KCNH7: variants seen among roughly 807,000 people sequenced by gnomAD.
KCNH7 encodes voltage-gated inwardly rectifying potassium channel KCNH7.
A neutral mutation model predicts 120.8 loss-of-function variants in KCNH7; 49 were observed. The observed-to-expected ratio is 0.41, with a 90% CI of 0.32 to 0.51. The LOEUF is 0.51. KCNH7 is among the 20% of genes least tolerant of loss of function. The pLI is 0.38. For synonymous variants in KCNH7, 547 were observed against 516.1 expected, an observed-to-expected ratio of 1.06 and a Z score of -0.81; for missense variants, 1,097 against 1,446.6, an observed-to-expected ratio of 0.76 and a Z score of 3.92.
intron 12 of KCNH7, among the ~76,000 whole-genome samples, chr2:162,392,772 G>C (rs1017225240): frequency 6.6e-6 from 1 of 151,890 alleles, no homozygotes; most frequent in Non-Finnish European, 1.5e-5. Context: ...GTTAAGGGAA[G>C]GATATTATGA....
chr2:162,425,235 G>A (rs762895108), intron 8 of KCNH7, among the ~76,000 whole-genome samples: 3 of 151,920 alleles, frequency 2.0e-5, no homozygotes, highest in East Asian at 1.9e-4. Flanking sequence ...ATAACTGTGC[G>A]AGCCAATTTC....
intron 8 of KCNH7, 22 bp from the exon 9 acceptor site, chr2:162,423,557 G>GT (rs781494195): frequency 1.2e-5 from 20 of 1,604,198 alleles, no homozygotes; most frequent in Non-Finnish European, 1.6e-5. Flanking sequence ...AAAAAACAAA[G>GT]TTATCGGGGA....
In KCNH7 at chr2:162,570,629, T is replaced by C. The variant is rs1284310957; in HGVS notation, c.308-33549A>G. The stretch of plus-strand genomic sequence containing the variant: ...TGATGCAGTTTCTTCCTAGTCTTGA[T>C]GGTCTTTACATTTTGGCATGATTTT... On this transcript the variant is annotated intron_variant, in intron 2 of 15. Transcript: ENST00000332142. Among the ~76,000 whole-genome samples the C allele has an allele frequency of 3.9e-5, 6 of 152,258 alleles. 1 individual carries two copies. Among genetic ancestry groups the C allele is most frequent in the African/African-American group, 1.2e-4 (5 of 41,570 alleles).
chr2:162,458,406 T>C (rs1412161046), intron 6 of KCNH7, among the ~76,000 whole-genome samples: 3 of 152,086 alleles, frequency 2.0e-5, no homozygotes, highest in African/African-American at 7.2e-5. Context: ...AGCAACATAA[T>C]GCCTCTTGGT....
At chr2:162,504,358 G>A (rs1272279696) in intron 6 of KCNH7, 85 bp downstream of exon 6, 1 of 1,019,112 alleles carries the variant, frequency 9.8e-7, no homozygotes, top group Non-Finnish European at 1.5e-6. Flanking sequence ...TCTACCGACA[G>A]TCATTTATAA....
At chr2:162,509,959 G>A (rs951417593) in intron 5 of KCNH7, among the ~76,000 whole-genome samples, 2 of 151,552 alleles carry the variant, frequency 1.3e-5, no homozygotes, top group African/African-American at 2.4e-5. Context: ...ACTTATTTAC[G>A]AAGTAGAGAA....
At chr2:162,504,908 T>C (rs905744418) in intron 5 of KCNH7, among the ~76,000 whole-genome samples, 1 of 152,014 alleles carries the variant, frequency 6.6e-6, no homozygotes, top group African/African-American at 2.4e-5. Context: ...AGCTGTTAAT[T>C]AGTTTCTTTC....
intron 2 of KCNH7, among the ~76,000 whole-genome samples, chr2:162,753,033 C>T (rs1373282689): frequency 1.1e-4 from 2 of 18,988 alleles, no homozygotes; most frequent in Non-Finnish European, 6.3e-4. Flanking sequence ...GAAAAGAAAC[C>T]CTGACTAATA....
chr2:162,481,482 AAG>A (rs1238230873), intron 6 of KCNH7, among the ~76,000 whole-genome samples: 3 of 152,184 alleles, frequency 2.0e-5, no homozygotes, highest in Non-Finnish European at 4.4e-5. Flanking sequence ...CTAATGGAAT[AAG>A]AGAGTCTCAA....
intron 2 of KCNH7, among the ~76,000 whole-genome samples, chr2:162,687,068 T>C (rs1053555295): frequency 3.3e-5 from 5 of 152,126 alleles, no homozygotes; most frequent in Non-Finnish European, 7.4e-5. Context: ...CCTCTATCTT[T>C]CCTCAGTAAT....
At chr2:162,731,751 C>G (rs945989706) in intron 2 of KCNH7, among the ~76,000 whole-genome samples, 7 of 151,864 alleles carry the variant, frequency 4.6e-5, no homozygotes, top group Non-Finnish European at 1.0e-4. Flanking sequence ...AAGGTTATAA[C>G]TTTATAGAGG....
intron 2 of KCNH7, among the ~76,000 whole-genome samples, chr2:162,568,191 C>T (rs1344876337): frequency 6.6e-6 from 1 of 151,970 alleles, no homozygotes; most frequent in African/African-American, 2.4e-5. Context: ...CACTCACTAT[C>T]ACGAGAACAA....
chr2:162,408,182 A>C (rs1687285345), intron 9 of KCNH7, among the ~76,000 whole-genome samples: 1 of 152,074 alleles, frequency 6.6e-6, no homozygotes, highest in African/African-American at 2.4e-5. Context: ...AGTTAGACAT[A>C]AAATGTTTCC....
intron 2 of KCNH7, among the ~76,000 whole-genome samples, chr2:162,714,009 A>C (rs1687020515): frequency 6.6e-6 from 1 of 152,136 alleles, no homozygotes; most frequent in African/African-American, 2.4e-5. Context: ...CGGCCTCCCA[A>C]AGTGCTGGGA....
chr2:162,628,715 G>A (rs761564281), intron 2 of KCNH7, among the ~76,000 whole-genome samples: 2 of 151,832 alleles, frequency 1.3e-5, no homozygotes, highest in African/African-American at 4.8e-5. Flanking sequence ...TGTTGTTGTT[G>A]CTGTGTCAGT....
chr2:162,640,748 T>C (rs1361793203), intron 2 of KCNH7, among the ~76,000 whole-genome samples: 1 of 152,092 alleles, frequency 6.6e-6, no homozygotes, highest in Non-Finnish European at 1.5e-5. Flanking sequence ...GGACAAGATA[T>C]AGTGTGGGAG....
At chr2:162,523,829 T>A (rs988781788) in intron 3 of KCNH7, among the ~76,000 whole-genome samples, 2 of 151,946 alleles carry the variant, frequency 1.3e-5, no homozygotes, top group Non-Finnish European at 2.9e-5. Context: ...TCTTAGAACC[T>A]TGATTATGTC....
At chr2:162,633,937 C>T (rs967712387) in intron 2 of KCNH7, among the ~76,000 whole-genome samples, 1 of 151,954 alleles carries the variant, frequency 6.6e-6, no homozygotes, top group African/African-American at 2.4e-5. Flanking sequence ...TAACTGAAAT[C>T]TTTGTACATA....
At chr2:162,460,432 G>A (rs757578339) in intron 6 of KCNH7, among the ~76,000 whole-genome samples, 1 of 152,104 alleles carries the variant, frequency 6.6e-6, no homozygotes, top group South Asian at 2.1e-4. Context: ...AAATAAGAAG[G>A]ATGATGACTT....
Sources: gnomAD v4.1 joint callset for allele counts (sites outside exome capture counted in the v4.1 genomes callset) on GRCh38, gnomAD v4.1.1 for gene constraint, MANE v1.5 for transcripts, NCBI Gene and HGNC (gene_info 2026-07-23, HGNC 2026-07-21) for gene names.